Variants in TRPC4AP observed in about 807,000 individuals in gnomAD.
The protein encoded by TRPC4AP is short transient receptor potential channel 4-associated protein.
A neutral mutation model predicts 99.0 loss-of-function variants in TRPC4AP; 45 were observed. The ratio of observed to expected loss-of-function variants is 0.45; its 90% CI spans 0.36 to 0.58. The LOEUF is 0.58. Ranked by LOEUF, TRPC4AP falls within the 20% of genes least tolerant of loss-of-function variation. TRPC4AP has a pLI of 0.00. For synonymous variants in TRPC4AP, 408 were observed against 385.8 expected (o/e 1.06, Z -0.67); for missense variants, 879 against 985.3 (o/e 0.89, Z 1.44).
intron 9 of TRPC4AP, among the ~76,000 whole-genome samples, chr20:35,020,143 C>G (rs1162919222): frequency 6.6e-6 from 1 of 152,200 alleles, no homozygotes; most frequent in Non-Finnish European, 1.5e-5. Flanking sequence ...CAGAATGCAA[C>G]CACCTCCCAC....
At chr20:35,084,194 C>CG (rs943816763) in intron 1 of TRPC4AP, among the ~76,000 whole-genome samples, 1 of 150,584 alleles carries the variant, frequency 6.6e-6, no homozygotes, top group African/African-American at 2.4e-5. Context: ...CCCAGCTACT[C>CG]GGGGGGCATA....
At chr20:35,038,063 G>C (rs1312814006) in intron 7 of TRPC4AP, among the ~76,000 whole-genome samples, 1 of 150,730 alleles carries the variant, frequency 6.6e-6, no homozygotes, top group Non-Finnish European at 1.5e-5. Context: ...GCCAGCAGTT[G>C]GGGAGAAGGG....
chr20:35,040,543 T>G (rs982502091), intron 7 of TRPC4AP, among the ~76,000 whole-genome samples: 9 of 152,220 alleles, frequency 5.9e-5, no homozygotes, highest in Admixed American at 2.0e-4. Flanking sequence ...TTTTCCGGAC[T>G]TGGACTGAGC....
At chr20:35,030,241 CAAAAAAAAAAA>C (rs572401085) in intron 8 of TRPC4AP, 1 of 111,702 alleles carries the variant, frequency 9.0e-6, no homozygotes, top group East Asian at 2.7e-4. Context: ...AACTCCATAT[CAAAAAAAAAAA>C]AAAAAAAAGA....
At chr20:35,016,219 A>G in intron 9 of TRPC4AP, 80 bp from the exon 10 acceptor site, 1 of 1,533,078 alleles carries the variant, frequency 6.5e-7, no homozygotes, top group Non-Finnish European at 9.0e-7. Context: ...AGTACACACG[A>G]TAATGATATT....
At chr20:35,042,797 T>G (rs1206011990) in intron 7 of TRPC4AP, among the ~76,000 whole-genome samples, 1 of 152,200 alleles carries the variant, frequency 6.6e-6, no homozygotes, top group African/African-American at 2.4e-5. Context: ...TGAACAGAAA[T>G]AGGTGGGCTA....
chr20:35,027,165 T>C (rs2083051810), intron 8 of TRPC4AP, among the ~76,000 whole-genome samples: 1 of 152,210 alleles, frequency 6.6e-6, no homozygotes, highest in Admixed American at 6.5e-5. Context: ...AAGCTTTCAA[T>C]TTTTTGCCAT....
At chr20:35,075,558 TTTTC>T (rs1304225531) in intron 2 of TRPC4AP, among the ~76,000 whole-genome samples, 4 of 152,232 alleles carry the variant, frequency 2.6e-5, no homozygotes, top group Non-Finnish European at 4.4e-5. Flanking sequence ...TTGAAAATTC[TTTTC>T]TTTAAGAATG....
chr20:35,084,452 A>ATATATGTGTGTATATATG (rs2084744551), intron 1 of TRPC4AP, among the ~76,000 whole-genome samples: 1 of 149,326 alleles, frequency 6.7e-6, no homozygotes, highest in African/African-American at 2.4e-5. Flanking sequence ...GGGTATATGT[A>ATATATGTGTGTATATATG]TATATGTGTG....
At chr20:35,014,772 G>C (rs186814749) in intron 10 of TRPC4AP, among the ~76,000 whole-genome samples, 250 of 152,302 alleles carry the variant, frequency 1.6e-3, no homozygotes, top group Admixed American at 4.7e-3. Flanking sequence ...GGCACTTTTA[G>C]GTCCCAGAGC....
chr20:35,006,473 A>G lies in TRPC4AP; in HGVS notation c.1789T>C (p.Phe597Leu), dbSNP rs765274745. Residue 597 changes from phenylalanine to leucine, a missense_variant, in exon 15 of 19, where the codon TTC becomes CTC. Physicochemically the swap from Phe to Leu is conservative, Grantham distance 22 (BLOSUM62 0). This residue lies in a region of TRPC4AP where 224 missense variants were observed against 264.7 expected (regional missense o/e 0.85). Transcript: ENST00000252015. ...GELMKFNVDA[F>L]KRFNKYINTD... ...TTGATATATTTATTGAATCTCTTGA[A>G]TGCATCAACGTTGAACTTCATCAGC... is the stretch of plus-strand genomic sequence containing the variant. 1 of 1,614,228 alleles carries G rather than the reference A, an allele frequency of 6.2e-7. No individual in the cohort carries two copies. The highest frequency in any genetic ancestry group is 8.5e-7 in the Non-Finnish European group (1 of 1,180,046).
chr20:35,003,243 G>A lies in TRPC4AP; in HGVS notation c.2297C>T (p.Ser766Phe), dbSNP rs2082431764. The A allele has an allele frequency of 6.2e-7, 1 of 1,614,184 alleles. No individual in the cohort carries two copies. The highest frequency in any genetic ancestry group is 2.2e-5 in the East Asian group (1 of 44,876). The change falls in exon 19 of 19, where the codon TCC becomes TTC. Residue 766 changes from serine to phenylalanine, a missense_variant. Around this residue, in one of 3 missense-constraint regions of TRPC4AP, gnomAD observed 224 missense variants for 264.7 expected, o/e 0.85. Transcript: ENST00000252015. ...ISFSYWKETV[S>F]ILLNPDRQSP... ...CTGCCGGTCCGGGTTCAACAGGATG[G>A]ACACTGTCTCCTTCCAGTATGAGAA...
At chr20:35,070,503 C>T (rs373641387) in intron 2 of TRPC4AP, among the ~76,000 whole-genome samples, 211 of 152,060 alleles carry the variant, frequency 1.4e-3, no homozygotes, top group South Asian at 3.3e-3. Flanking sequence ...CTCTGCCTCC[C>T]GGGTTCACGC....
At chr20:35,056,841 C>T (rs1159638077) in intron 4 of TRPC4AP, among the ~76,000 whole-genome samples, 1 of 151,412 alleles carries the variant, frequency 6.6e-6, no homozygotes, top group Non-Finnish European at 1.5e-5. Flanking sequence ...CAAAAATTAG[C>T]CGGGTATGGT....
At chr20:35,086,831 G>A (rs560064920) in intron 1 of TRPC4AP, among the ~76,000 whole-genome samples, 1 of 151,932 alleles carries the variant, frequency 6.6e-6, no homozygotes, top group South Asian at 2.1e-4. Flanking sequence ...TCAAGAGTTT[G>A]AGACCAGCCT....
chr20:35,081,667 A>G (rs1489978007), intron 1 of TRPC4AP, among the ~76,000 whole-genome samples: 1 of 152,246 alleles, frequency 6.6e-6, no homozygotes, highest in Non-Finnish European at 1.5e-5. Flanking sequence ...TAGTATAACT[A>G]TATTAAAATC....
chr20:35,027,007 A>G (rs962519011), intron 8 of TRPC4AP, among the ~76,000 whole-genome samples: 3 of 151,552 alleles, frequency 2.0e-5, no homozygotes, highest in African/African-American at 7.3e-5. Context: ...CAGTTTCACT[A>G]CTTTTCTAAT....
chr20:35,024,273 C>T (rs764727299), intron 8 of TRPC4AP, among the ~76,000 whole-genome samples: 1 of 152,062 alleles, frequency 6.6e-6, no homozygotes, highest in Non-Finnish European at 1.5e-5. Context: ...ATCTTCATCA[C>T]CCCCCAAAAG....
chr20:35,060,706 C>CATATCAAT (rs1206138899), intron 3 of TRPC4AP, among the ~76,000 whole-genome samples: 3 of 150,892 alleles, frequency 2.0e-5, no homozygotes, highest in Non-Finnish European at 4.4e-5. Context: ...TATAATACAC[C>CATATCAAT]ATATCAATAG....
Sources: gnomAD v4.1 joint callset for allele counts (sites outside exome capture counted in the v4.1 genomes callset) on GRCh38, gnomAD v4.1.1 for gene constraint, gnomAD v4.1.1 regional missense constraint, MANE v1.5 for transcripts, NCBI Gene and HGNC (gene_info 2026-07-23, HGNC 2026-07-21) for gene names.